ZNF765: variants seen among roughly 807,000 people sequenced by gnomAD.
The protein encoded by ZNF765 is zinc finger protein 765.
ZNF765 carries 37 observed loss-of-function variants against 44.7 expected under a neutral mutation model. The observed-to-expected ratio is 0.83, with a 90% confidence interval of 0.64 to 1.09. ZNF765 has a LOEUF of 1.09. ZNF765 is among the 50% of genes least tolerant of loss of function. ZNF765 has a pLI of 0.00. For synonymous variants in ZNF765, 201 were observed against 213.7 expected, an observed-to-expected ratio of 0.94 and a Z score of 0.52; for missense variants, 594 against 626.1, an observed-to-expected ratio of 0.95 and a Z score of 0.55.
intron 2 of ZNF765, among the ~76,000 whole-genome samples, chr19:53,399,691 A>AG (rs1428680908): frequency 3.9e-5 from 6 of 152,028 alleles, no homozygotes; most frequent in Admixed American, 3.3e-4. Context: ...AAAAAAAAAA[A>AG]AAATTTTTAC....
At chr19:53,400,400 C>G (rs117604925) in intron 2 of ZNF765, among the ~76,000 whole-genome samples, 1 of 152,016 alleles carries the variant, frequency 6.6e-6, no homozygotes, top group African/African-American at 2.4e-5. Flanking sequence ...AGATATCTCA[C>G]GATTCCTCCA....
chr19:53,417,464 C>T (rs1568787605), intron 3 of ZNF765, among the ~76,000 whole-genome samples: 1 of 152,146 alleles, frequency 6.6e-6, no homozygotes, highest in Non-Finnish European at 1.5e-5. Context: ...TGATCTCGTT[C>T]TTTTTTATGG....
chr19:53,396,522 C>A (rs1471816156), intron 1 of ZNF765, among the ~76,000 whole-genome samples: 1 of 152,184 alleles, frequency 6.6e-6, no homozygotes, highest in Non-Finnish European at 1.5e-5. Flanking sequence ...TAACTTGTGG[C>A]CTTGCATAGC....
intron 2 of ZNF765, among the ~76,000 whole-genome samples, chr19:53,398,450 A>G (rs1331455583): frequency 1.3e-5 from 2 of 152,194 alleles, no homozygotes; most frequent in Non-Finnish European, 2.9e-5. Context: ...ACCAATATGG[A>G]GCAATTTTTT....
chr19:53,416,644 A>G (rs118080129), downstream of ZNF765, among the ~76,000 whole-genome samples: 1,471 of 152,046 alleles, frequency 9.7e-3, 5 homozygotes, highest in Non-Finnish European at 0.016. Flanking sequence ...ATATTGATAA[A>G]CTGTATTTGT....
chr19:53,416,062 C>A (rs34318565), downstream of ZNF765, among the ~76,000 whole-genome samples: 23,345 of 152,020 alleles, frequency 0.15, 2,148 homozygotes, highest in East Asian at 0.36. Flanking sequence ...TAAAGTGATT[C>A]TCCTGCCTCA....
chr19:53,416,726 T>C (rs2085877194), downstream of ZNF765, among the ~76,000 whole-genome samples: 1 of 151,424 alleles, frequency 6.6e-6, no homozygotes, highest in African/African-American at 2.4e-5. Flanking sequence ...AATTATATAG[T>C]AATATATATT....
chr19:53,404,452 T>A (rs2085756743), intron 3 of ZNF765, among the ~76,000 whole-genome samples: 1 of 152,024 alleles, frequency 6.6e-6, no homozygotes, highest in Non-Finnish European at 1.5e-5. Context: ...TTCTTTCATT[T>A]CTTTCTTTTT....
Position 53,399,435 on chromosome 19 carries a change from G to A in ZNF765, c.15+1405G>A, listed in dbSNP as rs116081267. ...CACCACTGTCAGTTCTGTGCCAGGCGTCAGAGCAAGTCTCATACACATGTA... is the reference window on the plus strand; with the variant it reads ...CACCACTGTCAGTTCTGTGCCAGGCATCAGAGCAAGTCTCATACACATGTA... On this transcript the variant is annotated intron_variant, in intron 2 of 3. Transcript: ENST00000396408. Among the ~76,000 whole-genome samples, 1,260 of 151,664 alleles carry A rather than the reference G, an allele frequency of 8.3e-3. 3 individuals are homozygous for A. Among genetic ancestry groups the A allele is most frequent in the African/African-American group, 0.017 (684 of 41,316 alleles).
chr19:53,417,007 G>A (rs1162453995), downstream of ZNF765, among the ~76,000 whole-genome samples: 1 of 152,006 alleles, frequency 6.6e-6, no homozygotes, highest in East Asian at 1.9e-4. Flanking sequence ...TGGTAGAGAC[G>A]AGGTTTCACC....
downstream of ZNF765, among the ~76,000 whole-genome samples, chr19:53,414,789 TCAC>T (rs2085864869): frequency 6.7e-6 from 1 of 149,242 alleles, no homozygotes; most frequent in Non-Finnish European, 1.5e-5. Flanking sequence ...ACCACACAGG[TCAC>T]CACAGGTGCT....
At chr19:53,405,061 C>G (rs2085761470) in intron 3 of ZNF765, among the ~76,000 whole-genome samples, 1 of 151,894 alleles carries the variant, frequency 6.6e-6, no homozygotes, top group African/African-American at 2.4e-5. Context: ...CTACTAAATA[C>G]AAGAATTTGG....
At chr19:53,414,380 A>G (rs1212898206), downstream of ZNF765, among the ~76,000 whole-genome samples, 1 of 147,622 alleles carries the variant, frequency 6.8e-6, no homozygotes, top group East Asian at 2.0e-4. Flanking sequence ...CTTCCCAGAG[A>G]TGCCCCCACA....
exon 4 of ZNF765, chr19:53,424,665 T>TTTG (rs1290247102): frequency 1.4e-5 from 2 of 139,326 alleles, no homozygotes; most frequent in Non-Finnish European, 3.3e-5. Context: ...CTCCATTCTT[T>TTTG]TTTTTTTTTT....
rs779606949 is a variant in ZNF765 at position 53,408,610 on chromosome 19, A to G, written c.1055A>G (p.Glu352Gly). The G allele has an allele frequency of 5.0e-6, 8 of 1,613,862 alleles. No individual in the cohort carries two copies. In the African/African-American group the frequency reaches 1.1e-4, roughly 22 times the overall value. ...TGCCATCGTAGGCTTCATACTGGAG[A>G]GAAACCTTACAAGTGTAATGAGTGT... ...LTCHRRLHTGEKPYKCNECGK... is the reference protein window; with the variant it reads ...LTCHRRLHTGGKPYKCNECGK... Residue 352 changes from glutamate to glycine, a missense_variant, in exon 4 of 4, where the codon GAG becomes GGG. This residue lies in a region of ZNF765 where 567 missense variants were observed against 572.6 expected (regional missense o/e 0.99). Coordinates refer to ENST00000396408, the MANE Select transcript of ZNF765 (RefSeq NM_001040185.3).
downstream of ZNF765, among the ~76,000 whole-genome samples, chr19:53,416,269 G>A (rs1397196917): frequency 2.0e-5 from 3 of 152,162 alleles, no homozygotes; most frequent in African/African-American, 7.2e-5. Flanking sequence ...GGCCAGGCAT[G>A]GTAGCGGGTG....
intron 1 of ZNF765, among the ~76,000 whole-genome samples, chr19:53,395,944 A>C (rs1033342982): frequency 2.0e-5 from 3 of 152,092 alleles, no homozygotes; most frequent in Non-Finnish European, 4.4e-5. Flanking sequence ...GACTCATAAC[A>C]GATGGCAAAG....
downstream of ZNF765, among the ~76,000 whole-genome samples, chr19:53,414,016 G>A (rs537359641): frequency 6.6e-5 from 10 of 151,262 alleles, no homozygotes; most frequent in East Asian, 2.0e-3. Context: ...TGAGGCGGGC[G>A]GATCACCTGA....
At chr19:53,396,278 A>G (rs62117273) in intron 1 of ZNF765, among the ~76,000 whole-genome samples, 2,302 of 152,132 alleles carry the variant, frequency 0.015, 51 homozygotes, top group Admixed American at 0.061. Flanking sequence ...AGAATGTAAC[A>G]GGGAGAGCAG....
Sources: gnomAD v4.1 joint callset for allele counts (sites outside exome capture counted in the v4.1 genomes callset) on GRCh38, gnomAD v4.1.1 for gene constraint, gnomAD v4.1.1 regional missense constraint, MANE v1.5 for transcripts, NCBI Gene and HGNC (gene_info 2026-07-23, HGNC 2026-07-21) for gene names.